Variants in PIN4 observed in about 807,000 individuals in gnomAD.
The protein encoded by PIN4 is peptidyl-prolyl cis-trans isomerase NIMA-interacting 4.
PIN4 carries 3 observed loss-of-function variants against 8.3 expected under a neutral mutation model. The observed-to-expected ratio is 0.36, with a 90% CI of 0.16 to 0.93. PIN4 has a LOEUF of 0.93. Ranked by LOEUF, PIN4 falls within the 40% of genes least tolerant of loss-of-function variation. The probability of loss-of-function intolerance (pLI) is 0.44; values close to 1 mark genes in which losing one functional copy is unlikely to be tolerated. For missense variants in PIN4, 75 were observed against 100.6 expected (o/e 0.75, Z 1.09); for synonymous variants, 18 against 32.5 (o/e 0.55, Z 1.52).
At chrX:72,258,897 A>C (rs1410321089) in intron 3 of PIN4, among the ~76,000 whole-genome samples, 1 of 111,312 alleles carries the variant, frequency 9.0e-6, no homozygotes, top group Non-Finnish European at 1.9e-5. Flanking sequence ...TTCAAAATAA[A>C]AATTATACCA....
Position 72,208,083 on chromosome X carries a change from A to C in PIN4, c.312+11179A>C, listed in dbSNP as rs200143714. ...ATGAGGTTTTTATTTTATGTGCTTC[A>C]TCGAGGATGACATAGTCCCACACAA... On this transcript the variant is annotated intron_variant, in intron 3 of 3. Coordinates refer to the PIN4 transcript ENST00000423432. 3.4e-5 allele frequency: 41 copies of C among 1,210,103 alleles called. No individual in the cohort carries two copies. In the East Asian group the frequency reaches 3.6e-4, roughly 10 times the overall value.
At chrX:72,239,557 G>C (rs1043828149) in intron 3 of PIN4, among the ~76,000 whole-genome samples, 1 of 111,386 alleles carries the variant, frequency 9.0e-6, no homozygotes, top group Non-Finnish European at 1.9e-5. Flanking sequence ...GATCACGTGA[G>C]GTCAGGAGTT....
chrX:72,205,146 T>C, intron 3 of PIN4: 2 of 1,211,758 alleles, frequency 1.7e-6, no homozygotes, highest in Non-Finnish European at 2.2e-6. Context: ...TTAGTTCTTT[T>C]CCACGCTTTA....
chrX:72,221,412 C>T (rs1420926661), intron 3 of PIN4, among the ~76,000 whole-genome samples: 2 of 111,321 alleles, frequency 1.8e-5, no homozygotes, highest in African/African-American at 6.5e-5. Flanking sequence ...TCAGCTTGAC[C>T]ATCCTCTTTA....
chrX:72,235,848 C>A (rs1216279667), intron 3 of PIN4, among the ~76,000 whole-genome samples: 1 of 111,784 alleles, frequency 8.9e-6, no homozygotes. Flanking sequence ...TGGATATCCT[C>A]GGGAGGCCAT....
chrX:72,204,780 C>A, intron 3 of PIN4: 1 of 248,209 alleles, frequency 4.0e-6, no homozygotes, highest in East Asian at 6.9e-5. Flanking sequence ...AGAAACAACA[C>A]AGTTAAATTT....
chrX:72,254,617 G>A (rs2040388395), intron 3 of PIN4, among the ~76,000 whole-genome samples: 2 of 112,155 alleles, frequency 1.8e-5, no homozygotes, highest in Middle Eastern at 4.6e-3. Flanking sequence ...CAGATTTGGG[G>A]AGAGGAAGGG....
intron 3 of PIN4, chrX:72,197,108 A>G (rs2042770763): frequency 2.2e-6 from 1 of 459,127 alleles, no homozygotes; most frequent in African/African-American, 2.4e-5. Context: ...TAAATAGTAG[A>G]ATAAGGGTCA....
intron 1 of PIN4, among the ~76,000 whole-genome samples, chrX:72,185,285 C>T (rs1412811835): frequency 1.8e-5 from 2 of 110,624 alleles, no homozygotes; most frequent in African/African-American, 6.6e-5. Context: ...TCTGAGTGCA[C>T]TCCCACCTCA....
At chrX:72,240,544 T>A (rs1275312825) in intron 3 of PIN4, among the ~76,000 whole-genome samples, 1 of 111,301 alleles carries the variant, frequency 9.0e-6, no homozygotes, top group African/African-American at 3.3e-5. Context: ...AGTGGCTCAC[T>A]GAACCTGTAA....
intron 1 of PIN4, among the ~76,000 whole-genome samples, chrX:72,185,156 A>AAAAAAAAAAAC (rs2042695099): frequency 1.9e-5 from 2 of 103,941 alleles, no homozygotes; most frequent in Non-Finnish European, 4.0e-5. Flanking sequence ...TCAAAAAAAA[A>AAAAAAAAAAAC]AAAAAAAAAA....
chrX:72,248,081 C>A (rs1338448577), intron 3 of PIN4, among the ~76,000 whole-genome samples: 1 of 110,234 alleles, frequency 9.1e-6, no homozygotes, highest in Non-Finnish European at 1.9e-5. Flanking sequence ...GTTGAAGGAA[C>A]CAAGGATTAG....
At chrX:72,219,511 G>A (rs748785211) in intron 3 of PIN4, among the ~76,000 whole-genome samples, 3 of 109,080 alleles carry the variant, frequency 2.8e-5, no homozygotes, top group Admixed American at 2.0e-4. Flanking sequence ...CCGAGATTGC[G>A]CCATTGCACT....
intron 3 of PIN4, among the ~76,000 whole-genome samples, chrX:72,216,977 G>A (rs1317766681): frequency 2.7e-5 from 3 of 112,410 alleles, no homozygotes; most frequent in Non-Finnish European, 5.6e-5. Context: ...TTTCTGCTGA[G>A]GAACATTGGC....
chrX:72,191,259 T>G (rs2042731401), intron 2 of PIN4, among the ~76,000 whole-genome samples: 1 of 110,749 alleles, frequency 9.0e-6, no homozygotes, highest in Admixed American at 9.7e-5. Flanking sequence ...TTTGATAACT[T>G]TTTTAGAAGG....
intron 3 of PIN4, chrX:72,238,940 G>A (rs947868433): frequency 1.7e-6 from 2 of 1,166,994 alleles, no homozygotes; most frequent in Non-Finnish European, 2.3e-6. Flanking sequence ...CAGTTACCCC[G>A]GCGGGAGTTT....
At chrX:72,206,705 G>A in intron 3 of PIN4, 2 of 1,211,173 alleles carry the variant, frequency 1.7e-6, no homozygotes, top group Non-Finnish European at 2.2e-6. Flanking sequence ...ACCACATCAA[G>A]CTCTTCTTTA....
intron 3 of PIN4, among the ~76,000 whole-genome samples, chrX:72,223,936 A>G (rs1162155980): frequency 9.0e-6 from 1 of 110,941 alleles, no homozygotes; most frequent in African/African-American, 3.3e-5. Flanking sequence ...CTTTGGGGAC[A>G]CTGGAAAATG....
chrX:72,224,117 C>T (rs780274901), intron 3 of PIN4, among the ~76,000 whole-genome samples: 5 of 111,439 alleles, frequency 4.5e-5, no homozygotes, highest in East Asian at 2.8e-4. Flanking sequence ...GTAATTGGGA[C>T]GGTATCCAGT....
Sources: gnomAD v4.1 joint callset for allele counts (sites outside exome capture counted in the v4.1 genomes callset) on GRCh38, gnomAD v4.1.1 for gene constraint, MANE v1.5 for transcripts, NCBI Gene and HGNC (gene_info 2026-07-23, HGNC 2026-07-21) for gene names.